CCDC149: variants seen among roughly 807,000 people sequenced by gnomAD.
The protein encoded by CCDC149 is coiled-coil domain-containing protein 149.
CCDC149 carries 45 observed loss-of-function variants against 59.9 expected under a neutral mutation model. The observed-to-expected ratio is 0.75, with a 90% CI of 0.59 to 0.96. CCDC149 has a LOEUF of 0.96. Ranked by LOEUF, CCDC149 falls within the 40% of genes least tolerant of loss-of-function variation. CCDC149 has a pLI of 0.00. For missense variants in CCDC149, 584 were observed against 664.7 expected, an observed-to-expected ratio of 0.88 and a Z score of 1.33; for synonymous variants, 245 against 260.6, an observed-to-expected ratio of 0.94 and a Z score of 0.58.
At chr4:24,879,534 A>T (rs1215113423) in intron 1 of CCDC149, among the ~76,000 whole-genome samples, 1 of 151,076 alleles carries the variant, frequency 6.6e-6, no homozygotes, top group Non-Finnish European at 1.5e-5. Context: ...AAAAAAAAAA[A>T]ATTAGCTGGG....
chr4:24,874,240 A>ATTT (rs1560230340), intron 2 of CCDC149, among the ~76,000 whole-genome samples: 1 of 85,688 alleles, frequency 1.2e-5, no homozygotes, highest in African/African-American at 5.8e-5. Context: ...GTCCTATTAG[A>ATTT]TTTGTTTTTT....
intron 4 of CCDC149, among the ~76,000 whole-genome samples, chr4:24,847,103 A>T (rs796934314): frequency 2.6e-5 from 4 of 152,290 alleles, no homozygotes; most frequent in African/African-American, 9.6e-5. Flanking sequence ...ACTTTTGGGG[A>T]TCCATCTGCC....
chr4:24,861,175 C>T (rs546854191), intron 3 of CCDC149, among the ~76,000 whole-genome samples: 1 of 152,120 alleles, frequency 6.6e-6, no homozygotes, highest in East Asian at 1.9e-4. Flanking sequence ...ATGTTTGTAG[C>T]AGCACAATTC....
intron 7 of CCDC149, among the ~76,000 whole-genome samples, chr4:24,836,030 C>T (rs1314437809): frequency 3.9e-5 from 6 of 152,170 alleles, no homozygotes; most frequent in Non-Finnish European, 5.9e-5. Context: ...CTTCATCACT[C>T]GGAAACCATT....
rs1170400208 is a variant in CCDC149 at position 24,952,610 on chromosome 4, A to G, written c.-65+27459T>C. Among the ~76,000 whole-genome samples, 74 of 35,460 alleles carry G rather than the reference A, an allele frequency of 2.1e-3. 1 individual carries two copies. The highest frequency in any genetic ancestry group is 7.8e-3 in the African/African-American group (70 of 8,948). The allele number at this position is 35,460 out of a possible 152,430, so 23.3% of individuals were successfully genotyped here. ...AACTCCATCTCAAAAAAAAAAAAAAAAAAAAAAAAAAAAAAAATATATATA... is the reference window on the plus strand; with the variant it reads ...AACTCCATCTCAAAAAAAAAAAAAAGAAAAAAAAAAAAAAAAATATATATA... On this transcript the variant is annotated intron_variant, in intron 1 of 12. Transcript: ENST00000389609.
chr4:24,900,022 C>T (rs2109304154), intron 1 of CCDC149, among the ~76,000 whole-genome samples: 1 of 152,318 alleles, frequency 6.6e-6, no homozygotes, highest in East Asian at 1.9e-4. Flanking sequence ...GCCCAACCTT[C>T]CTGGCCCAGG....
chr4:24,959,220 C>T (rs949901119), intron 1 of CCDC149, among the ~76,000 whole-genome samples: 8 of 152,190 alleles, frequency 5.3e-5, no homozygotes, highest in Admixed American at 1.3e-4. Context: ...GTGATCCATC[C>T]GCCTCAGCCT....
At chr4:24,887,131 T>C (rs1720229701) in intron 1 of CCDC149, among the ~76,000 whole-genome samples, 1 of 152,142 alleles carries the variant, frequency 6.6e-6, no homozygotes, top group Non-Finnish European at 1.5e-5. Flanking sequence ...GGGGCTTTTA[T>C]CTGCCCTAAA....
At chr4:24,836,578 G>A in intron 6 of CCDC149, 70 bp from the exon 7 acceptor site, 1 of 1,058,988 alleles carries the variant, frequency 9.4e-7, no homozygotes, top group Admixed American at 2.0e-5. Context: ...AAGTATAAGG[G>A]GAAAAAACAA....
At chr4:24,888,972 C>T (rs80056470) in intron 1 of CCDC149, among the ~76,000 whole-genome samples, 91 of 151,960 alleles carry the variant, frequency 6.0e-4, no homozygotes, top group African/African-American at 2.0e-3. Flanking sequence ...TCCCCCTCTC[C>T]GGTATTACTT....
At chr4:24,884,198 C>T (rs1036765601) in intron 1 of CCDC149, among the ~76,000 whole-genome samples, 2 of 152,044 alleles carry the variant, frequency 1.3e-5, no homozygotes, top group African/African-American at 4.8e-5. Context: ...ACGGTGGTCC[C>T]GTAAGATTAT....
intron 8 of CCDC149, among the ~76,000 whole-genome samples, chr4:24,834,121 G>GA (rs936145468): frequency 1.3e-5 from 2 of 152,098 alleles, no homozygotes; most frequent in African/African-American, 4.8e-5. Flanking sequence ...TGGTTGAGTG[G>GA]AAAAAAGAAG....
intron 12 of CCDC149, among the ~76,000 whole-genome samples, chr4:24,813,499 T>TATATATATATATATATATATATATAC (rs1714782158): frequency 4.9e-4 from 9 of 18,300 alleles, no homozygotes; most frequent in African/African-American, 1.1e-3. Context: ...AATATATATA[T>TATATATATATATATATATATATATAC]ATATATATAT....
At chr4:24,935,415 C>T (rs181463081) in intron 1 of CCDC149, among the ~76,000 whole-genome samples, 14 of 152,260 alleles carry the variant, frequency 9.2e-5, no homozygotes, top group African/African-American at 3.4e-4. Context: ...TTTAGTTCGG[C>T]AGTATACTGC....
At chr4:24,898,526 C>T (rs1720977811) in intron 1 of CCDC149, among the ~76,000 whole-genome samples, 1 of 152,176 alleles carries the variant, frequency 6.6e-6, no homozygotes, top group South Asian at 2.1e-4. Flanking sequence ...AAGTGGGGCA[C>T]ACCAGCAGGG....
intron 1 of CCDC149, among the ~76,000 whole-genome samples, chr4:24,939,873 CT>C (rs1716677862): frequency 6.6e-6 from 1 of 152,178 alleles, no homozygotes; most frequent in Non-Finnish European, 1.5e-5. Flanking sequence ...CAAACAAAGC[CT>C]CCAAGAAATA....
chr4:24,952,132 A>C (rs1397683613), intron 1 of CCDC149, among the ~76,000 whole-genome samples: 1 of 151,278 alleles, frequency 6.6e-6, no homozygotes, highest in Non-Finnish European at 1.5e-5. Context: ...TCACAACCCC[A>C]CTCCTCTGGA....
intron 1 of CCDC149, among the ~76,000 whole-genome samples, chr4:24,880,335 G>C (rs1013222286): frequency 6.6e-6 from 1 of 152,240 alleles, no homozygotes; most frequent in Non-Finnish European, 1.5e-5. Flanking sequence ...ATCTAGGTTT[G>C]TGTAAGTACA....
At chr4:24,804,210 A>G (rs1016532627), downstream of CCDC149, among the ~76,000 whole-genome samples, 1 of 152,186 alleles carries the variant, frequency 6.6e-6, no homozygotes, top group Non-Finnish European at 1.5e-5. Flanking sequence ...AGGAGGGTAC[A>G]GGCCGGGCGC....
Sources: allele counts gnomAD v4.1 joint callset (sites outside exome capture counted in the v4.1 genomes callset), GRCh38; gene constraint gnomAD v4.1.1; transcripts MANE v1.5; gene names NCBI Gene and HGNC (gene_info 2026-07-23, HGNC 2026-07-21).